ZNF438: variants seen among roughly 807,000 people sequenced by gnomAD.
The protein encoded by ZNF438 is zinc finger protein 438.
In ZNF438, 25 loss-of-function variants were observed where a neutral mutation model predicts 38.0. The observed-to-expected ratio is 0.66, with a 90% CI of 0.48 to 0.92. ZNF438 has a LOEUF of 0.92. ZNF438 is among the 40% of genes least tolerant of loss of function. The pLI is 0.00. For synonymous variants in ZNF438, 372 were observed against 364.1 expected (o/e 1.02, Z -0.25); for missense variants, 1,007 against 999.6 (o/e 1.01, Z -0.10).
At chr10:30,845,918 C>A (rs1352083402) in intron 5 of ZNF438, among the ~76,000 whole-genome samples, 2 of 152,204 alleles carry the variant, frequency 1.3e-5, no homozygotes, top group Non-Finnish European at 2.9e-5. Flanking sequence ...CACGGGAACA[C>A]CCTCGGTTCT....
At chr10:31,007,443 T>A (rs1269449440) in intron 1 of ZNF438, among the ~76,000 whole-genome samples, 1 of 151,958 alleles carries the variant, frequency 6.6e-6, no homozygotes, top group Admixed American at 6.6e-5. Flanking sequence ...CACCATGCCC[T>A]GCTAATTTTT....
chr10:30,945,137 A>G (rs1490476594), intron 1 of ZNF438, among the ~76,000 whole-genome samples: 2 of 151,740 alleles, frequency 1.3e-5, no homozygotes, highest in African/African-American at 4.8e-5. Flanking sequence ...TAACTGTAAT[A>G]GCTTTATCTA....
chr10:30,979,745 A>T (rs2051888028), intron 1 of ZNF438, among the ~76,000 whole-genome samples: 1 of 152,082 alleles, frequency 6.6e-6, no homozygotes, highest in African/African-American at 2.4e-5. Context: ...TCCCACTATT[A>T]TTGTGTGGGA....
chr10:30,948,141 C>T (rs113412090), intron 1 of ZNF438, among the ~76,000 whole-genome samples: 12,115 of 152,192 alleles, frequency 0.08, 580 homozygotes, highest in Non-Finnish European at 0.11. Context: ...AGGGGCACAC[C>T]GACATCTCAC....
intron 1 of ZNF438, among the ~76,000 whole-genome samples, chr10:31,017,584 T>C (rs773106436): frequency 5.3e-5 from 8 of 152,246 alleles, no homozygotes; most frequent in Non-Finnish European, 1.2e-4. Context: ...TGGTCATAGA[T>C]ATTAAGCTTG....
exon 6 of ZNF438, chr10:30,845,468 C>A (rs146438937): frequency 1.5e-5 from 24 of 1,614,056 alleles, no homozygotes; most frequent in Non-Finnish European, 1.9e-5. Context: ...ATTTTATTTC[C>A]GCAAAAGACT....
At chr10:30,957,117 T>A (rs1306913234) in intron 1 of ZNF438, among the ~76,000 whole-genome samples, 1 of 152,258 alleles carries the variant, frequency 6.6e-6, no homozygotes, top group Non-Finnish European at 1.5e-5. Context: ...TCATTACTGT[T>A]TTGATTTGCG....
intron 2 of ZNF438, chr10:30,918,950 AGAG>A (rs977828824): frequency 4.6e-5 from 7 of 152,204 alleles, no homozygotes; most frequent in Admixed American, 1.3e-4. Context: ...GGTTTCAAGG[AGAG>A]GAGAAGAGCA....
At chr10:30,872,820 C>T (rs2037700048) in intron 4 of ZNF438, among the ~76,000 whole-genome samples, 2 of 151,980 alleles carry the variant, frequency 1.3e-5, no homozygotes, top group Admixed American at 1.3e-4. Flanking sequence ...AGATTCCTTC[C>T]TGACCAATGA....
intron 1 of ZNF438, among the ~76,000 whole-genome samples, chr10:30,997,575 A>AT (rs35100326): frequency 0.053 from 7,549 of 143,408 alleles, 267 homozygotes; most frequent in East Asian, 0.17. Flanking sequence ...ACAAAATCCT[A>AT]TTTTTTTTTT....
intron 2 of ZNF438, among the ~76,000 whole-genome samples, chr10:30,933,661 G>A (rs528232105): frequency 6.6e-6 from 1 of 152,264 alleles, no homozygotes; most frequent in South Asian, 2.1e-4. Context: ...CGCAGGCTAT[G>A]CAGGCTACAG....
rs115096146 is a variant in ZNF438 at position 31,023,395 on chromosome 10, T to C, written c.-192+8438A>G. 4.0e-3 allele frequency among the ~76,000 whole-genome samples: 607 copies of C among 152,336 alleles called. 7 individuals are homozygous for C. The highest frequency in any genetic ancestry group is 0.014 in the African/African-American group (582 of 41,586). Reference sequence around the variant, plus strand: ...TTCACCATAATTTTTAAAGCATTAATATATTTCCACAAATAATATATTACC... The same window carrying C: ...TTCACCATAATTTTTAAAGCATTAACATATTTCCACAAATAATATATTACC... On this transcript the variant is annotated intron_variant, in intron 1 of 5. Transcript: ENST00000413025.
intron 1 of ZNF438, among the ~76,000 whole-genome samples, chr10:31,007,549 G>A (rs2055275658): frequency 6.6e-6 from 1 of 151,998 alleles, no homozygotes; most frequent in African/African-American, 2.4e-5. Flanking sequence ...CAAAGTGCTG[G>A]GATTACAGGC....
chr10:30,902,429 C>T (rs1257273123), intron 3 of ZNF438, among the ~76,000 whole-genome samples: 12 of 152,162 alleles, frequency 7.9e-5, no homozygotes, highest in Non-Finnish European at 1.8e-4. Flanking sequence ...ATACAGAGTG[C>T]CAATTGGTGC....
At chr10:31,014,860 GTATATA>G (rs3054683) in intron 1 of ZNF438, among the ~76,000 whole-genome samples, 11,807 of 149,274 alleles carry the variant, frequency 0.079, 473 homozygotes, top group African/African-American at 0.099. Context: ...GTGTGTGTGT[GTATATA>G]TATATATATA....
intron 1 of ZNF438, among the ~76,000 whole-genome samples, chr10:31,013,177 C>T (rs935675906): frequency 3.3e-5 from 5 of 151,954 alleles, no homozygotes; most frequent in Admixed American, 1.3e-4. Flanking sequence ...AAATTAGCCG[C>T]GCGCGGTGGC....
At chr10:30,850,159 C>A (rs1366112875) in exon 5 of ZNF438, 9 of 1,614,126 alleles carry the variant, frequency 5.6e-6, no homozygotes, top group Non-Finnish European at 7.6e-6. Flanking sequence ...CAACCTGCAT[C>A]AGGGCATAGT....
intron 3 of ZNF438, among the ~76,000 whole-genome samples, chr10:30,881,215 T>C (rs1352441878): frequency 6.6e-6 from 1 of 152,192 alleles, no homozygotes; most frequent in Non-Finnish European, 1.5e-5. Context: ...GCAGATGACA[T>C]GATTGTCTAA....
intron 1 of ZNF438, among the ~76,000 whole-genome samples, chr10:31,025,231 T>C (rs2056864992): frequency 6.6e-6 from 1 of 152,238 alleles, no homozygotes; most frequent in Non-Finnish European, 1.5e-5. Flanking sequence ...TATTACAGAA[T>C]TTCTCAACAT....
Sources: gnomAD v4.1 joint callset for allele counts (sites outside exome capture counted in the v4.1 genomes callset) on GRCh38, gnomAD v4.1.1 for gene constraint, MANE v1.5 for transcripts, NCBI Gene and HGNC (gene_info 2026-07-23, HGNC 2026-07-21) for gene names.